ERCC8: variants seen among roughly 807,000 people sequenced by gnomAD.
The protein encoded by ERCC8 is ERCC excision repair 8, CSA ubiquitin ligase complex subunit.
A neutral mutation model predicts 54.9 loss-of-function variants in ERCC8; 52 were observed. That is an observed-to-expected ratio of 0.95 (90% CI 0.76 to 1.19). The LOEUF (loss-of-function observed/expected upper bound fraction) is 1.19, where lower values mean the gene tolerates loss of function less well. Ranked by LOEUF, ERCC8 falls within the 50% of genes most tolerant of loss-of-function variation. The pLI is 0.00. For missense variants in ERCC8, 514 were observed against 466.1 expected (o/e 1.10, Z -0.95); for synonymous variants, 146 against 157.2 (o/e 0.93, Z 0.53).
At position 60,898,389 on chromosome 5, in the gene ERCC8, G is replaced by C; in HGVS notation, c.730C>G (p.His244Asp). 6.2e-7 allele frequency: 1 copy of C among 1,613,390 alleles called. No homozygotes were observed. The highest frequency in any genetic ancestry group is 8.5e-7 in the Non-Finnish European group (1 of 1,179,550). The change falls in exon 9 of 12, where the codon CAT becomes GAT. Residue 244 changes from histidine to aspartate, a missense_variant. His to Asp is a moderately conservative substitution (Grantham distance 81). Transcript: ENST00000676185. Reference protein sequence around the residue: ...SQAVESANTAHNGKVNGLCFT... With the variant: ...SQAVESANTADNGKVNGLCFT... Reference sequence around the variant, plus strand: ...CATAAGCCATTAACTTTCCCATTATGAGCAGTGTTTGCTGCAATGAAAAAC... The same window carrying C: ...CATAAGCCATTAACTTTCCCATTATCAGCAGTGTTTGCTGCAATGAAAAAC...
chr5:60,912,908 A>G (rs1392850498), intron 4 of ERCC8, among the ~76,000 whole-genome samples: 3 of 152,084 alleles, frequency 2.0e-5, no homozygotes, highest in African/African-American at 7.3e-5. Context: ...TGATTTGCCT[A>G]TATTGAACCA....
intron 10 of ERCC8, among the ~76,000 whole-genome samples, chr5:60,888,635 G>A (rs1748464429): frequency 6.6e-6 from 1 of 152,198 alleles, no homozygotes; most frequent in Admixed American, 6.5e-5. Context: ...AAGCCTTGAA[G>A]TATCTGTGAT....
chr5:60,920,177 CTTTT>C (rs1749561979), intron 3 of ERCC8, among the ~76,000 whole-genome samples: 1 of 151,930 alleles, frequency 6.6e-6, no homozygotes, highest in Non-Finnish European at 1.5e-5. Context: ...ATCCTGACTT[CTTTT>C]GTTTTCTGCT....
chr5:60,881,620 G>A lies in ERCC8; in HGVS notation c.1122+5820C>T, dbSNP rs751022131. Among the ~76,000 whole-genome samples the A allele has an allele frequency of 1.4e-4, 22 of 152,226 alleles. 1 individual carries two copies. Among genetic ancestry groups the A allele is most frequent in the Non-Finnish European group, 3.1e-4 (21 of 68,034 alleles). On this transcript the variant is annotated intron_variant, in intron 11 of 11. Transcript: ENST00000676185. ...AGTTTGATCTCAGACTGCTGTGCTA[G>A]CAATGGGCGAGGCTCTGTGGGCGTC... is the stretch of plus-strand genomic sequence containing the variant.
intron 11 of ERCC8, among the ~76,000 whole-genome samples, chr5:60,880,203 T>C (rs1748164166): frequency 6.6e-6 from 1 of 152,220 alleles, no homozygotes; most frequent in Non-Finnish European, 1.5e-5. Flanking sequence ...CCCCACTCTC[T>C]TCTGGCTTGT....
rs894763794 is a variant in ERCC8 at position 60,909,366 on chromosome 5, T to C, written c.400-4493A>G. On this transcript the variant is annotated intron_variant, in intron 4 of 11. Coordinates refer to ENST00000676185, the MANE Select transcript of ERCC8 (RefSeq NM_000082.4). ...AGTGGAAGAAGGTTCAGTACTGTAATAGAAACATTTTTAGAGAAATACAGC... is the reference window on the plus strand; with the variant it reads ...AGTGGAAGAAGGTTCAGTACTGTAACAGAAACATTTTTAGAGAAATACAGC... 2.9e-5 allele frequency among the ~76,000 whole-genome samples: 4 copies of C among 139,972 alleles called. No individual in the cohort carries two copies. The Admixed American group carries it at 3.1e-4, about 11-fold the overall frequency. 91.8% of individuals were successfully genotyped at this position (139,972 alleles called of 152,430 possible).
chr5:60,904,634 GTATATATATATATATATATATATA>G lies in ERCC8; in HGVS notation c.481+134_481+157del, dbSNP rs869039109. On this transcript the variant is annotated intron_variant, in intron 5 of 11. Transcript: ENST00000676185. ...TTGAATATATATAGTGTGTGTGTGT[GTATATATATATATATATATATATA>G]TATATATATATATATATATATATAT... 0.013 allele frequency among the ~76,000 whole-genome samples: 650 copies of G among 49,954 alleles called. 33 individuals are homozygous for G. In the East Asian group the frequency reaches 0.32, roughly 24 times the overall value. 32.8% of individuals were successfully genotyped at this position (49,954 alleles called of 152,430 possible). A position where few individuals can be genotyped will look rare whatever the true frequency, so the allele number is the denominator to read the frequency against.
At position 60,867,960 on chromosome 5, in the gene ERCC8, C is replaced by T. The variant is rs2112444968; in HGVS notation, c.*6655G>A. Among the ~76,000 whole-genome samples, 1 of 152,336 alleles carries T rather than the reference C, an allele frequency of 6.6e-6. No individual in the cohort carries two copies. The highest frequency in any genetic ancestry group is 1.5e-5 in the Non-Finnish European group (1 of 68,036). ...CTTTGGGAGGTCAAGGCGGGCAGATCACCTGAGGTCAGGAGTTCGAGACCA... is the reference window on the plus strand; with the variant it reads ...CTTTGGGAGGTCAAGGCGGGCAGATTACCTGAGGTCAGGAGTTCGAGACCA... On this transcript the variant is annotated 3_prime_UTR_variant, in exon 12 of 12. Transcript: ENST00000676185.
At chr5:60,905,057 T>C (rs972921662) in intron 4 of ERCC8, among the ~76,000 whole-genome samples, 184 bp from the exon 5 acceptor site, 5 of 152,100 alleles carry the variant, frequency 3.3e-5, no homozygotes, top group South Asian at 2.1e-4. Flanking sequence ...ATTTACAACA[T>C]TCTTTTCCCT....
intron 8 of ERCC8, among the ~76,000 whole-genome samples, chr5:60,898,863 T>C (rs1445621777): frequency 6.6e-6 from 1 of 150,748 alleles, no homozygotes; most frequent in Non-Finnish European, 1.5e-5. Context: ...AATTAACAAG[T>C]TTGAGAAAGC....
rs549338639 is a variant in ERCC8 at position 60,920,570 on chromosome 5, T to A, written c.275+1484A>T. On this transcript the variant is annotated intron_variant, in intron 3 of 11. Coordinates refer to ENST00000676185, the MANE Select transcript of ERCC8 (RefSeq NM_000082.4). ...AGAAAATAGTCTAAGTCACATTAAC[T>A]TAATAATAGTCTTTATTGAAATTAT... is the stretch of plus-strand genomic sequence containing the variant. Among the ~76,000 whole-genome samples, 5 of 152,102 alleles carry A rather than the reference T, an allele frequency of 3.3e-5. No homozygotes were observed. In the East Asian group the frequency reaches 9.6e-4, roughly 29 times the overall value.
At chr5:60,895,733 A>C (rs1748705744) in intron 9 of ERCC8, among the ~76,000 whole-genome samples, 1 of 152,174 alleles carries the variant, frequency 6.6e-6, no homozygotes, top group African/African-American at 2.4e-5. Context: ...ACAGTTTTCA[A>C]CTAGTATTTC....
chr5:60,900,031 G>A (rs1748831007), intron 7 of ERCC8, among the ~76,000 whole-genome samples: 1 of 151,912 alleles, frequency 6.6e-6, no homozygotes, highest in Non-Finnish European at 1.5e-5. Flanking sequence ...GACCAGAAAG[G>A]CTTGTAGCTT....
At chr5:60,877,509 A>G (rs1748050761) in intron 11 of ERCC8, among the ~76,000 whole-genome samples, 3 of 152,344 alleles carry the variant, frequency 2.0e-5, no homozygotes, top group South Asian at 4.1e-4. Flanking sequence ...ACCCATGAGC[A>G]TGGAATGTTC....
At chr5:60,892,133 CCTTA>C (rs944978501) in intron 9 of ERCC8, 116 of 495,500 alleles carry the variant, frequency 2.3e-4, no homozygotes, top group African/African-American at 2.2e-3. Flanking sequence ...CACACATCCA[CCTTA>C]CTGTTTTTTT....
At chr5:60,879,439 T>C (rs1478060624) in intron 11 of ERCC8, among the ~76,000 whole-genome samples, 2 of 152,176 alleles carry the variant, frequency 1.3e-5, no homozygotes, top group Non-Finnish European at 2.9e-5. Flanking sequence ...ACTTTCTGTC[T>C]TGTTGATCTG....
Position 60,867,529 on chromosome 5 carries a change from T to C in ERCC8, c.*7086A>G, listed in dbSNP as rs189976581. 2.6e-5 allele frequency among the ~76,000 whole-genome samples: 4 copies of C among 152,346 alleles called. No individual in the cohort carries two copies. The highest frequency in any genetic ancestry group is 4.4e-5 in the Non-Finnish European group (3 of 68,036). Reference sequence around the variant, plus strand: ...ATAACTTTTTCCATAATACTCTGAATTTTGCATATATATGTAAGAAACCAT... The same window carrying C: ...ATAACTTTTTCCATAATACTCTGAACTTTGCATATATATGTAAGAAACCAT... On this transcript the variant is annotated 3_prime_UTR_variant, in exon 12 of 12. Transcript: ENST00000676185.
At chr5:60,936,167 A>G (rs1437587626) in intron 1 of ERCC8, among the ~76,000 whole-genome samples, 1 of 151,976 alleles carries the variant, frequency 6.6e-6, no homozygotes, top group Admixed American at 6.5e-5. Flanking sequence ...TTTTTTGGTA[A>G]CTTTTTTATT....
At chr5:60,918,202 T>C in intron 4 of ERCC8, 63 bp downstream of exon 4, 1 of 1,263,176 alleles carries the variant, frequency 7.9e-7, no homozygotes, top group Non-Finnish European at 1.2e-6. Context: ...CATACTAAAA[T>C]GGTTTAGGAT....
Sources: allele counts gnomAD v4.1 joint callset (sites outside exome capture counted in the v4.1 genomes callset), GRCh38; gene constraint gnomAD v4.1.1; transcripts MANE v1.5; gene names NCBI Gene and HGNC (gene_info 2026-07-23, HGNC 2026-07-21).